BTBD19: variants seen among roughly 807,000 people sequenced by gnomAD.
BTBD19 encodes the protein BTB domain containing 19, also known as BTB/POZ domain-containing protein 19.
A neutral mutation model predicts 36.1 loss-of-function variants in BTBD19; 20 were observed. That is an observed-to-expected ratio of 0.55 (90% CI 0.39 to 0.80). BTBD19 has a LOEUF of 0.80. BTBD19 is among the 30% of genes least tolerant of loss of function. The pLI is 0.00. For synonymous variants in BTBD19, 157 were observed against 174.3 expected, an observed-to-expected ratio of 0.90 and a Z score of 0.78; for missense variants, 325 against 389.8, an observed-to-expected ratio of 0.83 and a Z score of 1.40.
At chr1:44,815,254 A>G (rs1030161994), downstream of BTBD19, 3 of 152,168 alleles carry the variant, frequency 2.0e-5, no homozygotes, top group African/African-American at 7.2e-5. Context: ...GGAACATCCC[A>G]TTGACCTCCA....
At chr1:44,814,224 C>CCT (rs1652616406), downstream of BTBD19, 4 of 117,476 alleles carry the variant, frequency 3.4e-5, no homozygotes, top group African/African-American at 1.3e-4. Context: ...TTCTTTCTTT[C>CCT]TCTTTCCTTC....
Position 44,810,411 on chromosome 1 carries a change from G to A in BTBD19, c.285G>A (p.Lys95=). 1 of 1,551,312 alleles carries A rather than the reference G, an allele frequency of 6.4e-7. No individual in the cohort carries two copies. The highest frequency in any genetic ancestry group is 1.7e-4 in the Middle Eastern group (1 of 5,990). Residue 95 remains lysine (K), a synonymous_variant, in exon 2 of 8, where the codon AAG becomes AAA. Coordinates refer to ENST00000450269, the Ensembl canonical transcript of BTBD19. The surrounding 1 kb of genome is among the most constrained non-coding windows in gnomAD (Gnocchi z 4.2). ...AGTTCCTATATACCAACAGTGTCAA[G>A]CTGTACCGCCACTCTGTGAGCCTGC...
rs1209833463 is a variant in BTBD19, at chr1:44,813,285, G to A, written c.615+16G>A. 1.3e-6 allele frequency: 2 copies of A among 1,536,774 alleles called. No individual in the cohort carries two copies. Among genetic ancestry groups the A allele is most frequent in the East Asian group, 2.5e-5 (1 of 40,778 alleles). On this transcript the variant is annotated intron_variant, in intron 6 of 7. Coordinates refer to ENST00000450269, the Ensembl canonical transcript of BTBD19. The surrounding 1 kb of genome is among the most constrained non-coding windows in gnomAD (Gnocchi z 7.8). Reference sequence around the variant, plus strand: ...CGTGGGCGCGGTGAGTGGGGCTGGGGGAGCGCAAGGGCACGGAAGGAGGTG... The same window carrying A: ...CGTGGGCGCGGTGAGTGGGGCTGGGAGAGCGCAAGGGCACGGAAGGAGGTG...
Position 44,810,509 on chromosome 1 carries a change from G to A in BTBD19, c.301-45G>A. 6.4e-7 allele frequency: 1 copy of A among 1,550,818 alleles called. No homozygotes were observed. The highest frequency in any genetic ancestry group is 1.2e-5 in the South Asian group (1 of 83,464). Reference sequence around the variant, plus strand: ...TTTGCCCATTACACTGTGGGCACAGGGCAGGGGAAACTCCCTTCCACTCCC... The same window carrying A: ...TTTGCCCATTACACTGTGGGCACAGAGCAGGGGAAACTCCCTTCCACTCCC... On this transcript the variant is annotated intron_variant, in intron 2 of 7. Transcript: ENST00000450269. This position sits in a 1 kb window ranked among gnomAD's most constrained non-coding sequence, Gnocchi z 4.2.
intron 1 of BTBD19, 83 bp downstream of exon 1, chr1:44,808,989 G>A (rs1179758594): frequency 8.2e-7 from 1 of 1,218,644 alleles, no homozygotes; most frequent in Non-Finnish European, 1.1e-6. Context: ...GTGAGAAGAG[G>A]CTGGGAATTA....
chr1:44,810,507 A>C lies in BTBD19; in HGVS notation c.301-47A>C. 6.4e-7 allele frequency: 1 copy of C among 1,550,558 alleles called. No homozygotes were observed. The highest frequency in any genetic ancestry group is 1.4e-5 in the African/African-American group (1 of 73,156). On this transcript the variant is annotated intron_variant, in intron 2 of 7. Coordinates refer to ENST00000450269, the Ensembl canonical transcript of BTBD19. The surrounding 1 kb of genome is among the most constrained non-coding windows in gnomAD (Gnocchi z 4.2). ...AGTTTGCCCATTACACTGTGGGCAC[A>C]GGGCAGGGGAAACTCCCTTCCACTC...
downstream of BTBD19, chr1:44,814,183 T>TTTCTTTCTTTC (rs1491321084): frequency 6.2e-5 from 9 of 144,252 alleles, no homozygotes; most frequent in East Asian, 1.6e-3. Context: ...TCTTTCTTTC[T>TTTCTTTCTTTC]TTCTTTCTTT....
chr1:44,812,139 T>C lies in BTBD19; in HGVS notation c.414+41T>C, dbSNP rs775311947. On this transcript the variant is annotated intron_variant, in intron 4 of 7. Transcript: ENST00000450269. ...CAGGCATGGTAGGAGTCTGGCTCTG[T>C]GTGTGGAAATGGGCTCCCAGCACCT... is the stretch of plus-strand genomic sequence containing the variant. 2.4e-6 allele frequency: 3 copies of C among 1,270,212 alleles called. No homozygotes were observed. In the South Asian group the frequency reaches 3.7e-5, roughly 16 times the overall value. 78.7% of individuals were successfully genotyped at this position (1,270,212 alleles called of 1,614,324 possible).
intron 1 of BTBD19, among the ~76,000 whole-genome samples, chr1:44,809,367 T>TC (rs1254258849): frequency 2.0e-5 from 3 of 152,146 alleles, no homozygotes; most frequent in African/African-American, 4.8e-5. Context: ...ACAGGAAGCC[T>TC]CGGGGGTGCT....
chr1:44,813,133 C>G lies in BTBD19; in HGVS notation c.484-5C>G. The G allele has an allele frequency of 6.5e-7, 1 of 1,541,752 alleles. No individual in the cohort carries two copies. Among genetic ancestry groups the G allele is most frequent in the Non-Finnish European group, 8.8e-7 (1 of 1,142,560 alleles). ...CTCCTCCCTGACCCATTTGCCGGCT[C>G]GCAGGAGGCCCTCCGGACCCGAGGC... On this transcript the variant is annotated splice_region_variant and splice_polypyrimidine_tract_variant and intron_variant, in intron 5 of 7. Coordinates refer to ENST00000450269, the Ensembl canonical transcript of BTBD19. This position sits in a 1 kb window ranked among gnomAD's most constrained non-coding sequence, Gnocchi z 7.8.
rs1373429661 is a variant in BTBD19 at position 44,813,094 on chromosome 1, C to T, written c.483+30C>T. On this transcript the variant is annotated intron_variant, in intron 5 of 7. Transcript: ENST00000450269. The surrounding 1 kb of genome is among the most constrained non-coding windows in gnomAD (Gnocchi z 7.8). Reference sequence around the variant, plus strand: ...TGCTCCCTTCATACTCCTCACCCTACGCACCGCATTCTGCTCCTCCCTGAC... The same window carrying T: ...TGCTCCCTTCATACTCCTCACCCTATGCACCGCATTCTGCTCCTCCCTGAC... 3.9e-6 allele frequency: 6 copies of T among 1,547,046 alleles called. No homozygotes were observed. The highest frequency in any genetic ancestry group is 3.6e-5 in the South Asian group (3 of 83,748).
chr1:44,814,012 C>G (rs1051381842), exon 8 of BTBD19: 2 of 616,006 alleles, frequency 3.2e-6, no homozygotes, highest in Admixed American at 3.0e-5. Flanking sequence ...GGGTGAAACT[C>G]GAAAACGAGG....
intron 4 of BTBD19, 147 bp downstream of exon 4, chr1:44,812,245 G>C: frequency 1.8e-6 from 1 of 551,638 alleles, no homozygotes; most frequent in African/African-American, 1.9e-5. Flanking sequence ...GATGTTTATA[G>C]GATGAATTCT....
chr1:44,808,720 C>T, exon 1 of BTBD19: 1 of 825,828 alleles, frequency 1.2e-6, no homozygotes. Flanking sequence ...ACAGGCCTCC[C>T]AAGTCCCTGC....
In BTBD19 at chr1:44,813,521, C is replaced by A; in HGVS notation, c.741+22C>A. 1 of 1,548,272 alleles carries A rather than the reference C, an allele frequency of 6.5e-7. No individual in the cohort carries two copies. Among genetic ancestry groups the A allele is most frequent in the Non-Finnish European group, 8.7e-7 (1 of 1,145,022 alleles). On this transcript the variant is annotated intron_variant, in intron 7 of 7. Coordinates refer to ENST00000450269, the Ensembl canonical transcript of BTBD19. The surrounding 1 kb of genome is among the most constrained non-coding windows in gnomAD (Gnocchi z 7.8). The stretch of plus-strand genomic sequence containing the variant: ...CCCGGTGGGGACGCGGGGAACCGGC[C>A]CAGCTCCACTCAGCAGGGGGTACAG...
intron 1 of BTBD19, among the ~76,000 whole-genome samples, 199 bp downstream of exon 1, chr1:44,809,105 G>A (rs1476548475): frequency 6.6e-6 from 1 of 152,170 alleles, no homozygotes; most frequent in East Asian, 1.9e-4. Context: ...CAGAGGCAAG[G>A]CTGGCGGGGT....
chr1:44,813,343 C>A lies in BTBD19; in HGVS notation c.616-31C>A. On this transcript the variant is annotated intron_variant, in intron 6 of 7. Transcript: ENST00000450269. This position sits in a 1 kb window ranked among gnomAD's most constrained non-coding sequence, Gnocchi z 7.8. ...CGAGACTGGTGAGCGGGCGGCAGGA[C>A]AGGTGCCCGACTCAGGGCTGGCGTT... 2 of 1,542,422 alleles carry A rather than the reference C, an allele frequency of 1.3e-6. No individual in the cohort carries two copies. Among genetic ancestry groups the A allele is most frequent in the Non-Finnish European group, 1.7e-6 (2 of 1,146,348 alleles).
chr1:44,810,540 C>T lies in BTBD19; in HGVS notation c.301-14C>T. The T allele has an allele frequency of 1.3e-6, 2 of 1,550,620 alleles. No homozygotes were observed. Among genetic ancestry groups the T allele is most frequent in the Non-Finnish European group, 1.7e-6 (2 of 1,146,828 alleles). ...GGAAACTCCCTTCCACTCCCCCAAC[C>T]ACCCACTCTACAGGTGCTGGAAGTG... On this transcript the variant is annotated splice_polypyrimidine_tract_variant and intron_variant, in intron 2 of 7. Transcript: ENST00000450269. The surrounding 1 kb of genome is among the most constrained non-coding windows in gnomAD (Gnocchi z 4.2).
At chr1:44,812,211 T>C (rs1344064347) in intron 4 of BTBD19, 113 bp downstream of exon 4, 2 of 743,952 alleles carry the variant, frequency 2.7e-6, no homozygotes, top group Non-Finnish European at 4.2e-6. Flanking sequence ...CTTGGGTACA[T>C]GGTGGTGGTG....
Sources: allele counts gnomAD v4.1 joint callset (sites outside exome capture counted in the v4.1 genomes callset), GRCh38; gene constraint gnomAD v4.1.1; non-coding constraint Gnocchi (gnomAD v3.1); transcripts MANE v1.5; gene names NCBI Gene and HGNC (gene_info 2026-07-23, HGNC 2026-07-21).